The following SLC12A6 variants were observed in gnomAD, a reference collection of about 807,000 sequenced individuals.
SLC12A6 encodes the protein solute carrier family 12 member 6, also known as K-Cl cotransporter 3.
A neutral mutation model predicts 135.3 loss-of-function variants in SLC12A6; 66 were observed. The observed-to-expected ratio is 0.49, with a 90% confidence interval of 0.40 to 0.60. The LOEUF (loss-of-function observed/expected upper bound fraction) is 0.60, where lower values mean the gene tolerates loss of function less well. SLC12A6 is among the 20% of genes least tolerant of loss of function. The pLI is 0.00. For synonymous variants in SLC12A6, 513 were observed against 508.8 expected (o/e 1.01, Z -0.11); for missense variants, 1,058 against 1,452.3 (o/e 0.73, Z 4.41).
chr15:34,301,310 T>G (rs1896242023), intron 2 of SLC12A6, among the ~76,000 whole-genome samples: 1 of 151,970 alleles, frequency 6.6e-6, no homozygotes, highest in Non-Finnish European at 1.5e-5. Context: ...GAGACCAAAA[T>G]TCAGGATTAG....
chr15:34,310,005 CTTT>C (rs879478639), intron 2 of SLC12A6, among the ~76,000 whole-genome samples: 2 of 144,130 alleles, frequency 1.4e-5, no homozygotes, highest in African/African-American at 5.1e-5. Flanking sequence ...AAGAGATAAT[CTTT>C]TTTTTTTTTT....
intron 2 of SLC12A6, among the ~76,000 whole-genome samples, chr15:34,325,385 T>C (rs559929168): frequency 2.2e-4 from 33 of 152,342 alleles, no homozygotes; most frequent in African/African-American, 7.7e-4. Context: ...ATCAATTACT[T>C]TGGTAAAGAC....
rs200225857 is a variant in SLC12A6, at chr15:34,279,342, C to CA, written c.272-3954dup. ...AAAACAAACAAAAAACAAAACAAAA[C>CA]AAAACAAAAAAAACAAAGAACTAAA... On this transcript the variant is annotated intron_variant, in intron 2 of 25. Transcript: ENST00000354181. 1.6e-4 allele frequency among the ~76,000 whole-genome samples: 24 copies of CA among 149,646 alleles called. No individual in the cohort carries two copies. The South Asian group carries it at 2.1e-3, about 13-fold the overall frequency.
chr15:34,315,768 G>T (rs377382321), intron 2 of SLC12A6, among the ~76,000 whole-genome samples: 1 of 151,914 alleles, frequency 6.6e-6, no homozygotes, highest in South Asian at 2.1e-4. Context: ...GGCGGATCAC[G>T]AAGTCAGGAG....
At chr15:34,318,385 T>C (rs1888801179) in intron 2 of SLC12A6, among the ~76,000 whole-genome samples, 1 of 152,172 alleles carries the variant, frequency 6.6e-6, no homozygotes, top group African/African-American at 2.4e-5. Flanking sequence ...ATCCAGTGTG[T>C]GAGAAAAGTA....
intron 2 of SLC12A6, among the ~76,000 whole-genome samples, chr15:34,303,452 C>CT (rs1342993194): frequency 6.6e-6 from 1 of 151,968 alleles, no homozygotes; most frequent in Non-Finnish European, 1.5e-5. Flanking sequence ...TTGAGACTGC[C>CT]TTTTTTTCAT....
chr15:34,292,079 AT>A (rs1170128745), intron 2 of SLC12A6, among the ~76,000 whole-genome samples: 1 of 152,024 alleles, frequency 6.6e-6, no homozygotes, highest in Admixed American at 6.6e-5. Context: ...GGTTTTTGGA[AT>A]TTTTTAGCCT....
At chr15:34,330,268 A>G (rs992239042) in intron 2 of SLC12A6, among the ~76,000 whole-genome samples, 2 of 152,184 alleles carry the variant, frequency 1.3e-5, no homozygotes, top group African/African-American at 4.8e-5. Context: ...CTAGTTATCC[A>G]ATAAAACTTC....
intron 2 of SLC12A6, among the ~76,000 whole-genome samples, chr15:34,326,271 A>T (rs1367909556): frequency 6.6e-6 from 1 of 152,224 alleles, no homozygotes; most frequent in Non-Finnish European, 1.5e-5. Context: ...GAAGACAGAC[A>T]TTCAGTTACT....
At chr15:34,247,960 C>T (rs1482601000) in intron 13 of SLC12A6, among the ~76,000 whole-genome samples, 9 of 152,196 alleles carry the variant, frequency 5.9e-5, no homozygotes. Flanking sequence ...TAGCCTCAGC[C>T]TCCCAAAGTG....
In SLC12A6 at chr15:34,298,093, A is replaced by G. The variant is rs571853085; in HGVS notation, c.272-22704T>C. ...GGCACTATGGATATCAAAAACAGTG[A>G]CCATTTGCTCTCAAGAAGTTCAGAG... On this transcript the variant is annotated intron_variant, in intron 2 of 25. Coordinates refer to ENST00000354181, the MANE Select transcript of SLC12A6 (RefSeq NM_001365088.1). Among the ~76,000 whole-genome samples the G allele has an allele frequency of 3.3e-5, 5 of 152,298 alleles. No individual in the cohort carries two copies. In the South Asian group the frequency reaches 6.2e-4, roughly 19 times the overall value.
intron 2 of SLC12A6, among the ~76,000 whole-genome samples, chr15:34,280,248 C>G (rs1894586256): frequency 6.6e-6 from 1 of 152,124 alleles, no homozygotes; most frequent in Non-Finnish European, 1.5e-5. Flanking sequence ...AGGTTTTAGT[C>G]TTTATTAAAT....
At chr15:34,324,614 T>TAA (rs397760871) in intron 2 of SLC12A6, among the ~76,000 whole-genome samples, 2 of 151,608 alleles carry the variant, frequency 1.3e-5, no homozygotes, top group African/African-American at 2.4e-5. Context: ...ACCCATTTAT[T>TAA]AAAAAAAAAT....
intron 2 of SLC12A6, chr15:34,299,532 G>A (rs913922248): frequency 6.6e-6 from 1 of 152,184 alleles, no homozygotes; most frequent in Admixed American, 6.5e-5. Flanking sequence ...TACTATATTG[G>A]AGGTGTAGAC....
chr15:34,315,600 A>C (rs983935217), intron 2 of SLC12A6, among the ~76,000 whole-genome samples: 2 of 152,186 alleles, frequency 1.3e-5, no homozygotes, highest in East Asian at 3.8e-4. Context: ...AGGTATGTAC[A>C]CTGTTTTTTA....
At chr15:34,265,060 GGTGGCAGCCGCCTGTA>G (rs1342451929) in intron 3 of SLC12A6, among the ~76,000 whole-genome samples, 48 of 152,248 alleles carry the variant, frequency 3.2e-4, no homozygotes, top group African/African-American at 1.1e-3. Context: ...AGCCGGGCGT[GGTGGCAGCCGCCTGTA>G]GTCCCAGCTA....
intron 2 of SLC12A6, among the ~76,000 whole-genome samples, chr15:34,335,034 TA>T (rs1890110008): frequency 6.6e-6 from 1 of 152,350 alleles, no homozygotes; most frequent in African/African-American, 2.4e-5. Flanking sequence ...AACACTGGTA[TA>T]GTCTTTACCT....
rs1246849562 is a variant in SLC12A6 at position 34,235,432 on chromosome 15, T to A, written c.3228-118A>T. The A allele has an allele frequency of 2.9e-4, 45 of 155,676 alleles. No homozygotes were observed. In the East Asian group the frequency reaches 6.8e-3, roughly 23 times the overall value. The allele number at this position is 155,676 out of a possible 1,614,324, so 9.6% of individuals were successfully genotyped here. Reference sequence around the variant, plus strand: ...GACTATGGATAATCTGATAAAATGATTTTTTTTTTTTTTTTTTTTGAGAGG... The same window carrying A: ...GACTATGGATAATCTGATAAAATGAATTTTTTTTTTTTTTTTTTTGAGAGG... On this transcript the variant is annotated intron_variant, in intron 24 of 25. Coordinates refer to ENST00000354181, the MANE Select transcript of SLC12A6 (RefSeq NM_001365088.1).
At chr15:34,305,400 A>AT (rs1047667628) in intron 2 of SLC12A6, among the ~76,000 whole-genome samples, 66 of 120,196 alleles carry the variant, frequency 5.5e-4, no homozygotes, top group African/African-American at 9.6e-4. Context: ...TTTTTTTTGT[A>AT]TTTTTTTTTT....
Sources: allele counts gnomAD v4.1 joint callset (sites outside exome capture counted in the v4.1 genomes callset), GRCh38; gene constraint gnomAD v4.1.1; transcripts MANE v1.5; gene names NCBI Gene and HGNC (gene_info 2026-07-23, HGNC 2026-07-21).